TENM2: variants seen among roughly 807,000 people sequenced by gnomAD.
TENM2 encodes teneurin-2.
In TENM2, 52 loss-of-function variants were observed where a neutral mutation model predicts 245.2. The observed-to-expected ratio is 0.21, with a 90% CI of 0.17 to 0.27. The LOEUF is 0.27. Ranked by LOEUF, TENM2 falls within the 10% of genes least tolerant of loss-of-function variation. The probability of loss-of-function intolerance (pLI) is 1.00; values close to 1 mark genes in which losing one functional copy is unlikely to be tolerated. For synonymous variants in TENM2, 1,363 were observed against 1,438.9 expected (o/e 0.95, Z 1.19); for missense variants, 3,046 against 3,666.8 (o/e 0.83, Z 4.37).
In TENM2 at chr5:168,230,029, G is replaced by C. The variant is rs573037807; in HGVS notation, c.5520+1899G>C. Among the ~76,000 whole-genome samples, 13 of 152,264 alleles carry C rather than the reference G, an allele frequency of 8.5e-5. No individual in the cohort carries two copies. In the South Asian group the frequency reaches 1.2e-3, roughly 15 times the overall value. On this transcript the variant is annotated intron_variant, in intron 25 of 28. Coordinates refer to ENST00000518659, the Ensembl canonical transcript of TENM2. ...ATTTTGACTAAGTTTTCCAAATAAAGATAAATGTGGCCCTAAAATAAAGTG... is the reference window on the plus strand; with the variant it reads ...ATTTTGACTAAGTTTTCCAAATAAACATAAATGTGGCCCTAAAATAAAGTG...
chr5:167,644,093 T>G (rs1439345805), intron 2 of TENM2, among the ~76,000 whole-genome samples: 3 of 152,314 alleles, frequency 2.0e-5, no homozygotes, highest in Non-Finnish European at 4.4e-5. Context: ...CCATTTATTT[T>G]CATAATGGGC....
At chr5:167,932,659 T>G (rs1778375677) in intron 3 of TENM2, among the ~76,000 whole-genome samples, 1 of 152,146 alleles carries the variant, frequency 6.6e-6, no homozygotes, top group Non-Finnish European at 1.5e-5. Context: ...AAGCCTTCCC[T>G]CATCCGCTAA....
chr5:167,872,508 G>GAA (rs748813833), intron 2 of TENM2, among the ~76,000 whole-genome samples: 5 of 12,142 alleles, frequency 4.1e-4, no homozygotes, highest in African/African-American at 7.4e-4. Context: ...AAGAAAGAAA[G>GAA]AAAGAAAGAA....
chr5:167,958,301 C>CT (rs1398829597), intron 4 of TENM2, among the ~76,000 whole-genome samples: 1 of 152,060 alleles, frequency 6.6e-6, no homozygotes, highest in Non-Finnish European at 1.5e-5. Flanking sequence ...GCAACCTTTG[C>CT]TTTTTTGTTT....
intron 2 of TENM2, among the ~76,000 whole-genome samples, chr5:167,657,828 T>A (rs1404061662): frequency 6.6e-6 from 1 of 152,216 alleles, no homozygotes; most frequent in African/African-American, 2.4e-5. Flanking sequence ...AGGCCAAATG[T>A]GGCCCATTAG....
At chr5:167,859,847 C>T (rs1366650654) in intron 2 of TENM2, among the ~76,000 whole-genome samples, 9 of 44,790 alleles carry the variant, frequency 2.0e-4, no homozygotes, top group African/African-American at 8.4e-4. Flanking sequence ...TCTGCCCGGC[C>T]GCCCCTACTG....
chr5:167,932,801 T>C (rs1169381708), intron 3 of TENM2, among the ~76,000 whole-genome samples: 1 of 152,140 alleles, frequency 6.6e-6, no homozygotes, highest in African/African-American at 2.4e-5. Context: ...GTATAAAACA[T>C]TCTTAGCTCG....
chr5:167,815,988 G>C (rs1767023901), intron 2 of TENM2, among the ~76,000 whole-genome samples: 1 of 150,828 alleles, frequency 6.6e-6, no homozygotes, highest in African/African-American at 2.5e-5. Context: ...GTGTGTGTGT[G>C]TGTGTGTGTG....
rs375147169 is a variant in TENM2, at chr5:167,735,064, T to A, written c.503-140922T>A. On this transcript the variant is annotated intron_variant, in intron 2 of 28. Transcript: ENST00000518659. ...GTGAATCTGGCTCTTTTTGGAGACCTGTGGAAACAACAAATATCTATATAT... is the reference window on the plus strand; with the variant it reads ...GTGAATCTGGCTCTTTTTGGAGACCAGTGGAAACAACAAATATCTATATAT... Among the ~76,000 whole-genome samples, 4 of 152,172 alleles carry A rather than the reference T, an allele frequency of 2.6e-5. No homozygotes were observed. In the East Asian group the frequency reaches 5.8e-4, roughly 22 times the overall value.
chr5:167,926,903 TG>T (rs1777814386), intron 3 of TENM2, among the ~76,000 whole-genome samples: 1 of 152,218 alleles, frequency 6.6e-6, no homozygotes, highest in Non-Finnish European at 1.5e-5. Flanking sequence ...GGCATCTCTC[TG>T]TCTTATTTCT....
chr5:167,607,528 A>G (rs922670863), intron 2 of TENM2, among the ~76,000 whole-genome samples: 1 of 152,194 alleles, frequency 6.6e-6, no homozygotes, highest in South Asian at 2.1e-4. Context: ...CTGTCAGTTG[A>G]TGACCATTAC....
intron 1 of TENM2, among the ~76,000 whole-genome samples, chr5:167,370,281 G>A (rs1581863902): frequency 7.0e-6 from 1 of 141,894 alleles, no homozygotes; most frequent in South Asian, 2.3e-4. Context: ...GGTGGAGCTT[G>A]CAGTGAGCCG....
At chr5:167,836,971 G>T (rs1329717897) in intron 2 of TENM2, among the ~76,000 whole-genome samples, 1 of 151,962 alleles carries the variant, frequency 6.6e-6, no homozygotes, top group African/African-American at 2.4e-5. Flanking sequence ...ATAAACTACT[G>T]TCATTTTCCT....
chr5:167,610,773 G>A (rs986543864), intron 2 of TENM2, among the ~76,000 whole-genome samples: 18 of 152,104 alleles, frequency 1.2e-4, no homozygotes, highest in African/African-American at 4.3e-4. Flanking sequence ...ATTTCCATGG[G>A]ATATTTTAGT....
At chr5:167,021,272 T>G in the TENM2 span, among the ~76,000 whole-genome samples, 13 of 152,168 alleles carry the variant, frequency 8.5e-5, no homozygotes, top group Non-Finnish European at 2.9e-5. Flanking sequence ...AGAAAAAAAA[T>G]GACTTTCTTT....
chr5:167,122,699 T>C, the TENM2 span, among the ~76,000 whole-genome samples: 1 of 152,160 alleles, frequency 6.6e-6, no homozygotes, highest in Non-Finnish European at 1.5e-5. Context: ...TCGTAGCTAA[T>C]TGAAAGTAAT....
chr5:168,167,017 AAAG>A (rs1301837233), intron 13 of TENM2, among the ~76,000 whole-genome samples: 1 of 152,114 alleles, frequency 6.6e-6, no homozygotes, highest in Non-Finnish European at 1.5e-5. Flanking sequence ...TGGCCACTAA[AAAG>A]AAGTGGAAAT....
chr5:167,381,506 T>C (rs985191231), intron 2 of TENM2, among the ~76,000 whole-genome samples: 21 of 152,182 alleles, frequency 1.4e-4, no homozygotes, highest in Admixed American at 9.2e-4. Context: ...CAACCAACAT[T>C]TTAAAAGTAA....
At chr5:167,376,480 T>A (rs4509046) in intron 2 of TENM2, among the ~76,000 whole-genome samples, 2 of 151,922 alleles carry the variant, frequency 1.3e-5, no homozygotes, top group African/African-American at 2.4e-5. Context: ...AATTTGCAGG[T>A]GGACAGCTTG....
Sources: gnomAD v4.1 joint callset for allele counts (sites outside exome capture counted in the v4.1 genomes callset) on GRCh38, gnomAD v4.1.1 for gene constraint, MANE v1.5 for transcripts, NCBI Gene and HGNC (gene_info 2026-07-23, HGNC 2026-07-21) for gene names.